PCDHGA6: variants seen among roughly 807,000 people sequenced by gnomAD.
The protein encoded by PCDHGA6 is protocadherin gamma subfamily A, 6.
Under a neutral mutation model 60.6 loss-of-function variants are expected in PCDHGA6, and 41 were observed. The observed-to-expected ratio is 0.68, with a 90% CI of 0.53 to 0.88. The LOEUF (loss-of-function observed/expected upper bound fraction) is 0.88. Among genes scored for constraint, PCDHGA6 ranks in the 40% least tolerant of loss-of-function variants. The probability of loss-of-function intolerance (pLI) is 0.00; values close to 1 mark genes in which losing one functional copy is unlikely to be tolerated. For missense variants in PCDHGA6, 1,312 were observed against 1,203.0 expected, an observed-to-expected ratio of 1.09 and a Z score of -1.34; for synonymous variants, 594 against 524.4, an observed-to-expected ratio of 1.13 and a Z score of -1.81.
chr5:141,463,596 C>T (rs922480221), intron 1 of PCDHGA6, among the ~76,000 whole-genome samples: 5 of 151,874 alleles, frequency 3.3e-5, no homozygotes, highest in Admixed American at 2.0e-4. Flanking sequence ...CTACAGGTGC[C>T]TGCCACCATG....
intron 1 of PCDHGA6, chr5:141,427,864 A>G: frequency 6.4e-7 from 1 of 1,557,574 alleles, no homozygotes; most frequent in Non-Finnish European, 8.8e-7. Flanking sequence ...TGCGCCTTCG[A>G]GCTCACGATG....
At chr5:141,419,109 A>T in intron 1 of PCDHGA6, 1 of 1,613,940 alleles carries the variant, frequency 6.2e-7, no homozygotes, top group Non-Finnish European at 8.5e-7. Flanking sequence ...CAGACCCCAG[A>T]GTACAACGTC....
chr5:141,427,726 T>G (rs2097061742), intron 1 of PCDHGA6: 1 of 1,155,034 alleles, frequency 8.7e-7, no homozygotes, highest in Non-Finnish European at 1.3e-6. Context: ...GACCTAGGGC[T>G]GAATGGCCAA....
intron 1 of PCDHGA6, among the ~76,000 whole-genome samples, chr5:141,455,860 ATTATTTATTTAT>A (rs145569377): frequency 0.023 from 3,231 of 139,812 alleles, 82 homozygotes; most frequent in African/African-American, 0.066. Context: ...AATTTCTTTT[ATTATTTATTTAT>A]TTATTTATTT....
intron 1 of PCDHGA6, among the ~76,000 whole-genome samples, chr5:141,420,626 C>T (rs1192244062): frequency 6.6e-6 from 1 of 152,152 alleles, no homozygotes; most frequent in Non-Finnish European, 1.5e-5. Flanking sequence ...TTCATTTACT[C>T]AATAAAGGAA....
chr5:141,382,175 C>G (rs1273619481), intron 1 of PCDHGA6, among the ~76,000 whole-genome samples: 3 of 152,028 alleles, frequency 2.0e-5, no homozygotes, highest in Non-Finnish European at 2.9e-5. Context: ...TAGACCGTCT[C>G]TAAGGTTCTA....
At position 141,459,173 on chromosome 5, in the gene PCDHGA6, AG is replaced by A. The variant is rs370401072; in HGVS notation, c.2425-35633del. Among the ~76,000 whole-genome samples the A allele has an allele frequency of 3.1e-3, 479 of 152,326 alleles. 10 individuals carry two copies. In the South Asian group the frequency reaches 0.063, roughly 20 times the overall value. ...ATAGAACATTTCTATAACCTTCAAA[AG>A]TTCCCTCATGCCCCTTTGCAATCAA... On this transcript the variant is annotated intron_variant, in intron 1 of 3. Coordinates refer to ENST00000517434, the MANE Select transcript of PCDHGA6 (RefSeq NM_018919.3).
intron 1 of PCDHGA6, chr5:141,379,437 A>G (rs1344530566): frequency 6.6e-6 from 1 of 152,252 alleles, no homozygotes; most frequent in Non-Finnish European, 1.5e-5. Context: ...GGGCTGTTAT[A>G]CATATGATTA....
intron 1 of PCDHGA6, chr5:141,383,465 C>T: frequency 6.2e-7 from 1 of 1,613,792 alleles, no homozygotes; most frequent in Non-Finnish European, 8.5e-7. Flanking sequence ...GACGATGAAA[C>T]TAAGTACCCG....
chr5:141,390,404 G>T, intron 1 of PCDHGA6: 1 of 1,262,098 alleles, frequency 7.9e-7, no homozygotes. Flanking sequence ...TTTTAGGAAA[G>T]TTGTAGTCAG....
At position 141,487,790 on chromosome 5, in the gene PCDHGA6, C is replaced by T. The variant is rs1360781901; in HGVS notation, c.2425-7017C>T. 6.6e-7 allele frequency: 1 copy of T among 1,511,992 alleles called. No individual in the cohort carries two copies. Among genetic ancestry groups the T allele is most frequent in the Non-Finnish European group, 8.9e-7 (1 of 1,120,458 alleles). The allele number at this position is 1,511,992 out of a possible 1,614,324, so 93.7% of individuals were successfully genotyped here. ...GCTTTGTAACTGTTTCGTGAATTAA[C>T]CAGAGTTGTCACAGTTTAGCATTGG... On this transcript the variant is annotated intron_variant, in intron 1 of 3. Coordinates refer to ENST00000517434, the MANE Select transcript of PCDHGA6 (RefSeq NM_018919.3). This position sits in a 1 kb window ranked among gnomAD's most constrained non-coding sequence, Gnocchi z 5.0.
intron 1 of PCDHGA6, chr5:141,398,010 G>T (rs10045443): frequency 0.24 from 331,899 of 1,407,782 alleles, 42,930 homozygotes; most frequent in African/African-American, 0.51. Flanking sequence ...AAAAAGAATC[G>T]TTTCCTAAAC....
At position 141,489,257 on chromosome 5, in the gene PCDHGA6, T is replaced by TC. The variant is rs773157586; in HGVS notation, c.2425-5547dup. The stretch of plus-strand genomic sequence containing the variant: ...TTCTGGGTCATGGGGCCCAAGACAC[T>TC]CCCACAGCTCGCTGGGAAATGGCAA... On this transcript the variant is annotated intron_variant, in intron 1 of 3. Coordinates refer to ENST00000517434, the MANE Select transcript of PCDHGA6 (RefSeq NM_018919.3). The surrounding 1 kb of genome is among the most constrained non-coding windows in gnomAD (Gnocchi z 4.5). 1 of 1,550,308 alleles carries TC rather than the reference T, an allele frequency of 6.5e-7. No homozygotes were observed. Among genetic ancestry groups the TC allele is most frequent in the Non-Finnish European group, 8.7e-7 (1 of 1,148,342 alleles).
In PCDHGA6 at chr5:141,486,546, G is replaced by A. The variant is rs1156517969; in HGVS notation, c.2425-8261G>A. Reference sequence around the variant, plus strand: ...GATAATCCACCCTCTTTCTTTCAGAGGTCACATGAGGTGTTTGTTCCTGAG... The same window carrying A: ...GATAATCCACCCTCTTTCTTTCAGAAGTCACATGAGGTGTTTGTTCCTGAG... On this transcript the variant is annotated intron_variant, in intron 1 of 3. Coordinates refer to ENST00000517434, the MANE Select transcript of PCDHGA6 (RefSeq NM_018919.3). The surrounding 1 kb of genome is among the most constrained non-coding windows in gnomAD (Gnocchi z 5.0). 3 of 1,614,084 alleles carry A rather than the reference G, an allele frequency of 1.9e-6. No homozygotes were observed. The East Asian group carries it at 6.7e-5, about 36-fold the overall frequency.
intron 1 of PCDHGA6, chr5:141,418,820 G>A: frequency 6.2e-7 from 1 of 1,613,918 alleles, no homozygotes. Flanking sequence ...AAACATAGAA[G>A]CAAAAGACCG....
chr5:141,494,778 CA>C (rs1228639033), intron 1 of PCDHGA6, 28 bp from the exon 2 acceptor site: 1 of 1,614,086 alleles, frequency 6.2e-7, no homozygotes, highest in Admixed American at 1.7e-5. Flanking sequence ...CACGGGTACT[CA>C]GCCCCTTTCC....
Position 141,431,581 on chromosome 5 carries a change from T to A in PCDHGA6, c.2424+55074T>A, listed in dbSNP as rs749863807. Reference sequence around the variant, plus strand: ...CTACCGACCCTGACGAAGGAGTCAATGCGGAAGTGAGGTATTCCTTCCGGT... The same window carrying A: ...CTACCGACCCTGACGAAGGAGTCAAAGCGGAAGTGAGGTATTCCTTCCGGT... On this transcript the variant is annotated intron_variant, in intron 1 of 3. Coordinates refer to ENST00000517434, the MANE Select transcript of PCDHGA6 (RefSeq NM_018919.3). This position sits in a 1 kb window ranked among gnomAD's most constrained non-coding sequence, Gnocchi z 4.8. 3.1e-6 allele frequency: 5 copies of A among 1,614,160 alleles called. No individual in the cohort carries two copies. In the South Asian group the frequency reaches 5.5e-5, roughly 18 times the overall value.
At chr5:141,438,631 TATATACACAC>T (rs1330021858) in intron 1 of PCDHGA6, among the ~76,000 whole-genome samples, 2,835 of 42,824 alleles carry the variant, frequency 0.066, 23 homozygotes, top group African/African-American at 0.13. Flanking sequence ...TATATATATA[TATATACACAC>T]ACACACACAC....
intron 1 of PCDHGA6, among the ~76,000 whole-genome samples, chr5:141,453,258 T>A (rs1336801456): frequency 1.6e-4 from 25 of 152,096 alleles, no homozygotes; most frequent in Admixed American, 1.6e-3. Flanking sequence ...GGGCTGCAAG[T>A]GCACACCACC....
Sources: allele counts gnomAD v4.1 joint callset (sites outside exome capture counted in the v4.1 genomes callset), GRCh38; gene constraint gnomAD v4.1.1; non-coding constraint Gnocchi (gnomAD v3.1); transcripts MANE v1.5; gene names NCBI Gene and HGNC (gene_info 2026-07-23, HGNC 2026-07-21).